CRB1: variants seen among roughly 807,000 people sequenced by gnomAD.
CRB1 encodes the protein crumbs cell polarity complex component 1.
Under a neutral mutation model 120.0 loss-of-function variants are expected in CRB1, and 83 were observed. The observed-to-expected ratio is 0.69, with a 90% CI of 0.58 to 0.83. CRB1 has a LOEUF of 0.83. Among genes scored for constraint, CRB1 ranks in the 40% least tolerant of loss-of-function variants. The pLI is 0.00. For synonymous variants in CRB1, 625 were observed against 612.5 expected, an observed-to-expected ratio of 1.02 and a Z score of -0.30; for missense variants, 1,699 against 1,687.6, an observed-to-expected ratio of 1.01 and a Z score of -0.12.
Position 197,301,169 on chromosome 1 carries a change from C to CT in CRB1, c.71-27239dup, listed in dbSNP as rs879651973. On this transcript the variant is annotated intron_variant, in intron 1 of 11. Coordinates refer to ENST00000367400, the MANE Select transcript of CRB1 (RefSeq NM_201253.3). Reference sequence around the variant, plus strand: ...CAGGGAGTAATTTCAGCTTTCAAGTCTTTTTTTTTTTTTTAAGACCGAGTA... The same window carrying CT: ...CAGGGAGTAATTTCAGCTTTCAAGTCTTTTTTTTTTTTTTTAAGACCGAGTA... Among the ~76,000 whole-genome samples, 302 of 143,698 alleles carry CT rather than the reference C, an allele frequency of 2.1e-3. 1 individual carries two copies. The highest frequency in any genetic ancestry group is 4.3e-3 in the African/African-American group (171 of 39,418). The allele number at this position is 143,698 out of a possible 152,430, so 94.3% of individuals were successfully genotyped here.
chr1:197,467,375 C>G (rs1183730716), intron 11 of CRB1, among the ~76,000 whole-genome samples: 2 of 151,880 alleles, frequency 1.3e-5, no homozygotes, highest in African/African-American at 4.8e-5. Context: ...TGTCATGACA[C>G]TTTACCACTA....
the CRB1 span, among the ~76,000 whole-genome samples, chr1:197,204,715 T>C: frequency 6.6e-6 from 1 of 152,240 alleles, no homozygotes; most frequent in African/African-American, 2.4e-5. Flanking sequence ...TTTCTCCCAC[T>C]CTGCGGGTTG....
intron 1 of CRB1, among the ~76,000 whole-genome samples, chr1:197,281,191 A>G (rs967880919): frequency 1.3e-5 from 2 of 151,910 alleles, no homozygotes; most frequent in Admixed American, 6.6e-5. Flanking sequence ...GCAAGAAACA[A>G]CCAAGGGCAC....
chr1:197,349,893 G>C (rs1283719214), intron 4 of CRB1, among the ~76,000 whole-genome samples: 1 of 151,892 alleles, frequency 6.6e-6, no homozygotes, highest in Non-Finnish European at 1.5e-5. Context: ...GAGGTCAGGA[G>C]ATCGAGACCA....
intron 1 of CRB1, among the ~76,000 whole-genome samples, chr1:197,305,821 T>G (rs1224675976): frequency 1.3e-5 from 2 of 151,652 alleles, no homozygotes; most frequent in Non-Finnish European, 2.9e-5. Context: ...TTCTTTATAT[T>G]TTAAAGAATG....
intron 2 of CRB1, among the ~76,000 whole-genome samples, chr1:197,338,620 A>G (rs1286958484): frequency 6.6e-6 from 1 of 152,182 alleles, no homozygotes; most frequent in Non-Finnish European, 1.5e-5. Context: ...AGAGGACACA[A>G]TGTGAAAAGG....
chr1:197,471,345 C>A (rs540972393), intron 11 of CRB1, among the ~76,000 whole-genome samples: 7 of 152,310 alleles, frequency 4.6e-5, no homozygotes, highest in Admixed American at 2.6e-4. Flanking sequence ...AGTCTTACAG[C>A]CCTTGGAGGG....
At chr1:197,473,391 A>G (rs1018442060) in intron 11 of CRB1, among the ~76,000 whole-genome samples, 8 of 152,334 alleles carry the variant, frequency 5.3e-5, no homozygotes, top group African/African-American at 1.9e-4. Flanking sequence ...CAGTCTCACC[A>G]TAGAATACCA....
chr1:197,422,857 C>T (rs903303662), intron 6 of CRB1: 3 of 152,088 alleles, frequency 2.0e-5, no homozygotes, highest in African/African-American at 7.2e-5. Context: ...GTCTTCTCTG[C>T]TTTATATGAA....
At chr1:197,249,186 A>G in the CRB1 span, among the ~76,000 whole-genome samples, 2 of 152,070 alleles carry the variant, frequency 1.3e-5, no homozygotes, top group African/African-American at 2.4e-5. Context: ...GGAGATTTTT[A>G]TAGTCAAGCT....
chr1:197,280,631 T>G (rs1395943248), intron 1 of CRB1, among the ~76,000 whole-genome samples: 1 of 151,912 alleles, frequency 6.6e-6, no homozygotes, highest in African/African-American at 2.4e-5. Context: ...TAGGCAGTAA[T>G]GCGTACTGGA....
chr1:197,420,754 T>C (rs1001740976), intron 5 of CRB1, among the ~76,000 whole-genome samples: 3 of 152,226 alleles, frequency 2.0e-5, no homozygotes, highest in Non-Finnish European at 2.9e-5. Flanking sequence ...TCAATCACAG[T>C]ATTTGGCAAA....
chr1:197,399,528 T>C (rs1250609938), intron 5 of CRB1, among the ~76,000 whole-genome samples: 1 of 152,216 alleles, frequency 6.6e-6, no homozygotes, highest in Non-Finnish European at 1.5e-5. Context: ...AAAATAGAGA[T>C]TATAATGCTA....
the CRB1 span, among the ~76,000 whole-genome samples, chr1:197,260,016 G>A: frequency 6.6e-6 from 1 of 151,628 alleles, no homozygotes; most frequent in African/African-American, 2.4e-5. Context: ...CCAGGCACAC[G>A]ATGGAGCCTG....
At chr1:197,311,698 A>AGTGTGT (rs57455433) in intron 1 of CRB1, among the ~76,000 whole-genome samples, 3,724 of 138,926 alleles carry the variant, frequency 0.027, 58 homozygotes, top group African/African-American at 0.038. Context: ...TCATATAGTT[A>AGTGTGT]GTGTGTGTGT....
intron 4 of CRB1, among the ~76,000 whole-genome samples, chr1:197,354,003 G>A (rs1660272296): frequency 7.4e-6 from 1 of 134,298 alleles, no homozygotes. Context: ...AAAAAAACAG[G>A]AAAAAATATG....
the CRB1 span, among the ~76,000 whole-genome samples, chr1:197,262,573 G>C: frequency 1.3e-5 from 2 of 152,084 alleles, no homozygotes; most frequent in African/African-American, 2.4e-5. Flanking sequence ...TAGATGTGCA[G>C]ATATGTTACA....
intron 5 of CRB1, among the ~76,000 whole-genome samples, chr1:197,390,327 T>C (rs147745282): frequency 6.6e-6 from 1 of 152,176 alleles, no homozygotes; most frequent in East Asian, 1.9e-4. Context: ...TATTCTGTGC[T>C]CAGAGGAGGT....
Position 197,435,206 on chromosome 1 carries a change from G to T in CRB1, c.3343G>T (p.Gly1115Cys), listed in dbSNP as rs779253997. ...TCTCTCTTACTTTGAAAATGTTCAT[G>T]GTTTCATTAATAAACCTCAGGAAGA... ...IYLSYFENVH[G>C]FINKPQEEQF... Residue 1115 changes from glycine (G) to cysteine (C), a missense_variant, in exon 9 of 12, where the codon GGT (glycine) becomes TGT (cysteine). Coordinates refer to ENST00000367400, the MANE Select transcript of CRB1 (RefSeq NM_201253.3). 21 of 1,613,756 alleles carry T rather than the reference G, an allele frequency of 1.3e-5. No individual in the cohort carries two copies. Among genetic ancestry groups the T allele is most frequent in the Non-Finnish European group, 1.6e-5 (19 of 1,179,872 alleles).
Sources: gnomAD v4.1 joint callset for allele counts (sites outside exome capture counted in the v4.1 genomes callset) on GRCh38, gnomAD v4.1.1 for gene constraint, MANE v1.5 for transcripts, NCBI Gene and HGNC (gene_info 2026-07-23, HGNC 2026-07-21) for gene names.